C12orf50: variants seen among roughly 807,000 people sequenced by gnomAD.
C12orf50 encodes uncharacterized protein C12orf50.
C12orf50 carries 35 observed loss-of-function variants against 61.6 expected under a neutral mutation model. The ratio of observed to expected loss-of-function variants is 0.57; its 90% confidence interval spans 0.43 to 0.75. The LOEUF (loss-of-function observed/expected upper bound fraction) is 0.75, where lower values mean the gene tolerates loss of function less well. Ranked by LOEUF, C12orf50 falls within the 30% of genes least tolerant of loss-of-function variation. The pLI is 0.00. For missense variants in C12orf50, 475 were observed against 488.5 expected (o/e 0.97, Z 0.26); for synonymous variants, 178 against 161.5 (o/e 1.10, Z -0.77).
chr12:87,984,862 A>G (rs900960275), intron 11 of C12orf50: 2 of 152,188 alleles, frequency 1.3e-5, no homozygotes, highest in Non-Finnish European at 2.9e-5. Flanking sequence ...ATCCAGTTGC[A>G]GTAAAATGAT....
At chr12:88,017,814 C>T (rs1189942971) in intron 3 of C12orf50, among the ~76,000 whole-genome samples, 1 of 152,082 alleles carries the variant, frequency 6.6e-6, no homozygotes, top group Non-Finnish European at 1.5e-5. Flanking sequence ...AGCACTTTGC[C>T]CCTTCCCTAG....
At chr12:88,009,149 C>A (rs2032002682) in intron 3 of C12orf50, among the ~76,000 whole-genome samples, 4 of 152,054 alleles carry the variant, frequency 2.6e-5, no homozygotes, top group Admixed American at 1.3e-4. Flanking sequence ...TAATGGATTT[C>A]TCTAGGATAT....
At chr12:88,016,427 G>C (rs921841583) in intron 3 of C12orf50, among the ~76,000 whole-genome samples, 2 of 152,194 alleles carry the variant, frequency 1.3e-5, no homozygotes, top group African/African-American at 4.8e-5. Flanking sequence ...TTGGTAGATA[G>C]AAGTTCCTGG....
intron 7 of C12orf50, 46 bp downstream of exon 7, chr12:87,994,587 T>C (rs777711402): frequency 4.7e-6 from 6 of 1,281,690 alleles, no homozygotes; most frequent in Non-Finnish European, 6.7e-6. Context: ...GACTCATTTA[T>C]TATGTGGTGA....
chr12:88,013,992 A>T (rs982210193), intron 3 of C12orf50, among the ~76,000 whole-genome samples: 2 of 152,340 alleles, frequency 1.3e-5, no homozygotes, highest in African/African-American at 4.8e-5. Flanking sequence ...CAGAAAAGAC[A>T]GGGAAATATA....
chr12:87,985,733 A>T (rs2030774763), intron 11 of C12orf50, 117 bp downstream of exon 11: 1 of 928,410 alleles, frequency 1.1e-6, no homozygotes, highest in Admixed American at 2.0e-5. Context: ...TATGGTGGTG[A>T]TGGCCAGGGT....
rs556856010 is a variant in C12orf50, at chr12:87,994,420, A to G, written c.592+213T>C. 2.6e-5 allele frequency among the ~76,000 whole-genome samples: 4 copies of G among 152,158 alleles called. No individual in the cohort carries two copies. The South Asian group carries it at 8.3e-4, about 32-fold the overall frequency. On this transcript the variant is annotated intron_variant, in intron 7 of 12. Coordinates refer to ENST00000298699, the MANE Select transcript of C12orf50 (RefSeq NM_152589.3). ...CACAGGTTTCTCATTAAAATATGAA[A>G]AATGGAATGTCTTATACACTGAACA...
chr12:87,984,353 A>G (rs1306026548), intron 11 of C12orf50: 1 of 152,158 alleles, frequency 6.6e-6, no homozygotes, highest in Admixed American at 6.6e-5. Context: ...AATGCTTCAA[A>G]TAAGGGTAAG....
rs115173207 is a variant in C12orf50 at position 88,028,377 on chromosome 12, T to C, written c.-109+963A>G. On this transcript the variant is annotated intron_variant, in intron 1 of 12. Transcript: ENST00000298699. ...GAAACACTTGAAACCAGACATATCA[T>C]CTTTTTCACTGGATTATTTCTTGCA... is the stretch of plus-strand genomic sequence containing the variant. Among the ~76,000 whole-genome samples, 1,018 of 152,310 alleles carry C rather than the reference T, an allele frequency of 6.7e-3. 16 individuals are homozygous for C. The highest frequency in any genetic ancestry group is 0.024 in the African/African-American group (983 of 41,560).
At chr12:88,018,914 G>A in intron 3 of C12orf50, among the ~76,000 whole-genome samples, 1 of 152,230 alleles carries the variant, frequency 6.6e-6, no homozygotes. Flanking sequence ...TAACTAACTT[G>A]TTTTTGATTT....
At chr12:88,017,870 G>A (rs1409881884) in intron 3 of C12orf50, among the ~76,000 whole-genome samples, 2 of 151,986 alleles carry the variant, frequency 1.3e-5, no homozygotes, top group African/African-American at 4.8e-5. Flanking sequence ...TAAGGTATCT[G>A]GCAGAAGAAA....
intron 3 of C12orf50, among the ~76,000 whole-genome samples, chr12:88,022,489 G>A (rs754396000): frequency 6.6e-6 from 1 of 152,040 alleles, no homozygotes; most frequent in Non-Finnish European, 1.5e-5. Context: ...CCATAGTATT[G>A]AAAAGTCCTG....
intron 11 of C12orf50, 45 bp from the exon 12 acceptor site, chr12:87,983,240 T>C: frequency 7.6e-7 from 1 of 1,323,472 alleles, no homozygotes; most frequent in Non-Finnish European, 1.1e-6. Flanking sequence ...AACTTTAAAA[T>C]CATATTCCAA....
intron 3 of C12orf50, among the ~76,000 whole-genome samples, chr12:88,004,231 C>A (rs1423155725): frequency 6.6e-6 from 1 of 152,136 alleles, no homozygotes; most frequent in African/African-American, 2.4e-5. Context: ...TGCTTTAAAT[C>A]ATTGTCTGCT....
intron 3 of C12orf50, among the ~76,000 whole-genome samples, chr12:88,008,408 T>C (rs2031972771): frequency 6.6e-6 from 1 of 152,218 alleles, no homozygotes; most frequent in African/African-American, 2.4e-5. Flanking sequence ...TTCTTTTTTA[T>C]GGCTGCATGG....
At chr12:87,991,660 A>C (rs1369835510) in intron 7 of C12orf50, among the ~76,000 whole-genome samples, 3 of 152,184 alleles carry the variant, frequency 2.0e-5, no homozygotes, top group African/African-American at 7.2e-5. Context: ...ATTATGAGTC[A>C]TCAAGGAAAT....
chr12:87,994,677 A>C lies in C12orf50; in HGVS notation c.548T>G (p.Leu183Trp), dbSNP rs565763600. ...AATGTCAGTCTTTGGTTTCCCATGC[A>C]ATGATGTTTTTATTTCACCTTGCCT... ...YERQGEIKTS[L>W]HGKPKTDIAA... Residue 183 changes from leucine to tryptophan, a missense_variant, in exon 7 of 13, where the codon TTG becomes TGG. Physicochemically the swap from Leu to Trp is moderately conservative, Grantham distance 61 (BLOSUM62 -2). Coordinates refer to ENST00000298699, the MANE Select transcript of C12orf50 (RefSeq NM_152589.3). 6.2e-7 allele frequency: 1 copy of C among 1,613,298 alleles called. No homozygotes were observed. The highest frequency in any genetic ancestry group is 1.3e-5 in the African/African-American group (1 of 74,908).
At chr12:87,983,381 T>C (rs999281698) in intron 11 of C12orf50, 186 bp from the exon 12 acceptor site, 1 of 342,436 alleles carries the variant, frequency 2.9e-6, no homozygotes, top group African/African-American at 2.2e-5. Context: ...AGTGAGCATG[T>C]TTTTTTTTGT....
intron 7 of C12orf50, among the ~76,000 whole-genome samples, chr12:87,989,927 T>C (rs1484832861): frequency 2.0e-5 from 3 of 152,162 alleles, no homozygotes; most frequent in Non-Finnish European, 4.4e-5. Flanking sequence ...TTGCCATTCA[T>C]GGAGTAATTT....
Sources: gnomAD v4.1 joint callset for allele counts (sites outside exome capture counted in the v4.1 genomes callset) on GRCh38, gnomAD v4.1.1 for gene constraint, MANE v1.5 for transcripts, NCBI Gene and HGNC (gene_info 2026-07-23, HGNC 2026-07-21) for gene names.